Variants in ALK observed in about 807,000 individuals in gnomAD.
The protein encoded by ALK is ALK tyrosine kinase receptor.
A neutral mutation model predicts 163.1 loss-of-function variants in ALK; 74 were observed. The ratio of observed to expected loss-of-function variants is 0.45; its 90% confidence interval spans 0.38 to 0.55. The LOEUF is 0.55. Among genes scored for constraint, ALK ranks in the 20% least tolerant of loss-of-function variants. The pLI is 0.00. For missense variants in ALK, 2,063 were observed against 2,105.3 expected (o/e 0.98, Z 0.39); for synonymous variants, 960 against 843.2 (o/e 1.14, Z -2.40).
At chr2:29,764,473 C>T (rs904050496) in intron 1 of ALK, among the ~76,000 whole-genome samples, 1 of 152,170 alleles carries the variant, frequency 6.6e-6, no homozygotes, top group Non-Finnish European at 1.5e-5. Flanking sequence ...AATAGTTCTT[C>T]AACATTTACC....
chr2:29,794,952 A>G (rs1002503877), intron 1 of ALK, among the ~76,000 whole-genome samples: 1 of 152,206 alleles, frequency 6.6e-6, no homozygotes, highest in East Asian at 1.9e-4. Flanking sequence ...ACAAAACTTC[A>G]ATTTGTGAAA....
At chr2:29,351,516 A>T (rs1432872903) in intron 5 of ALK, among the ~76,000 whole-genome samples, 1 of 152,186 alleles carries the variant, frequency 6.6e-6, no homozygotes, top group Non-Finnish European at 1.5e-5. Context: ...GAACCAGACC[A>T]TGCCCACTCC....
chr2:29,842,703 G>A (rs576583702), intron 1 of ALK, among the ~76,000 whole-genome samples: 1 of 152,312 alleles, frequency 6.6e-6, no homozygotes, highest in South Asian at 2.1e-4. Context: ...GGACTGAGCA[G>A]GCAGGGCTCA....
In ALK at chr2:29,725,877, C is replaced by T. The variant is rs376693062; in HGVS notation, c.668-8180G>A. On this transcript the variant is annotated intron_variant, in intron 1 of 28. Transcript: ENST00000389048. ...TGCCTCCTCTTCAGAACCTGTATCT[C>T]TCAGAATTTGATAGTTCCAGGTCAC... Among the ~76,000 whole-genome samples, 57 of 152,314 alleles carry T rather than the reference C, an allele frequency of 3.7e-4. No homozygotes were observed. In the South Asian group the frequency reaches 7.2e-3, roughly 19 times the overall value.
chr2:29,359,626 G>A (rs1022558834), intron 5 of ALK, among the ~76,000 whole-genome samples: 6 of 152,172 alleles, frequency 3.9e-5, no homozygotes, highest in Admixed American at 2.6e-4. Context: ...AGGTGACTTT[G>A]GGATCAATAG....
chr2:29,257,726 C>T (rs930722131), intron 11 of ALK, among the ~76,000 whole-genome samples: 1 of 152,212 alleles, frequency 6.6e-6, no homozygotes, highest in Non-Finnish European at 1.5e-5. Context: ...ATTTCATCCA[C>T]ATCCACTGAC....
At chr2:29,396,864 A>G (rs1460284080) in intron 4 of ALK, among the ~76,000 whole-genome samples, 1 of 17,254 alleles carries the variant, frequency 5.8e-5, no homozygotes, top group East Asian at 7.1e-4. Context: ...TTTTTTTGCT[A>G]CTTGGCTACT....
Position 29,247,975 on chromosome 2 carries a change from C to T in ALK, c.2204+3130G>A, listed in dbSNP as rs534932602. ...GAAAAAGTCTTTCAGAGAAAGGTTG[C>T]TGACTTCTCAGTCATATTCTGACTT... On this transcript the variant is annotated intron_variant, in intron 12 of 28. Transcript: ENST00000389048. Among the ~76,000 whole-genome samples, 3 of 152,264 alleles carry T rather than the reference C, an allele frequency of 2.0e-5. No individual in the cohort carries two copies. In the South Asian group the frequency reaches 6.2e-4, roughly 32 times the overall value.
chr2:29,483,613 G>T (rs1671716277), intron 4 of ALK, among the ~76,000 whole-genome samples: 1 of 152,156 alleles, frequency 6.6e-6, no homozygotes, highest in African/African-American at 2.4e-5. Context: ...TTAACATACA[G>T]AAATGCATAG....
intron 4 of ALK, among the ~76,000 whole-genome samples, chr2:29,413,903 G>A (rs1024153155): frequency 2.0e-5 from 3 of 152,188 alleles, no homozygotes; most frequent in African/African-American, 7.2e-5. Context: ...GACCTCAGGT[G>A]ACCCACCCAC....
intron 1 of ALK, among the ~76,000 whole-genome samples, chr2:29,810,287 T>C (rs1419350549): frequency 6.6e-6 from 1 of 151,630 alleles, no homozygotes; most frequent in Non-Finnish European, 1.5e-5. Context: ...CCGAGTGTGG[T>C]GGTGGTTGCC....
In ALK at chr2:29,515,566, G is replaced by T. The variant is rs185153521; in HGVS notation, c.1154+16349C>A. Among the ~76,000 whole-genome samples the T allele has an allele frequency of 5.3e-5, 8 of 152,254 alleles. No homozygotes were observed. The East Asian group carries it at 1.4e-3, about 26-fold the overall frequency. ...GGTAAGACCTCACCAAGATGGTAGG[G>T]GTGGGGATAGGGGGAGGCATAATGG... On this transcript the variant is annotated intron_variant, in intron 4 of 28. Coordinates refer to ENST00000389048, the MANE Select transcript of ALK (RefSeq NM_004304.5).
chr2:29,619,620 G>A (rs745773897), intron 3 of ALK, among the ~76,000 whole-genome samples: 4 of 152,150 alleles, frequency 2.6e-5, no homozygotes, highest in Non-Finnish European at 5.9e-5. Flanking sequence ...TGACTTACAC[G>A]GGCTTTGTGG....
rs948174871 is a variant in ALK, at chr2:29,791,323, C to A, written c.668-73626G>T. Among the ~76,000 whole-genome samples, 6 of 152,260 alleles carry A rather than the reference C, an allele frequency of 3.9e-5. No individual in the cohort carries two copies. The South Asian group carries it at 1.0e-3, about 26-fold the overall frequency. ...CCATAAAAAAGGATGAGTTCATGTC[C>A]TTTGCAGGGACATGGATGAAGCTGG... On this transcript the variant is annotated intron_variant, in intron 1 of 28. Coordinates refer to ENST00000389048, the MANE Select transcript of ALK (RefSeq NM_004304.5).
chr2:29,488,815 G>A (rs529770263), intron 4 of ALK, among the ~76,000 whole-genome samples: 8 of 152,068 alleles, frequency 5.3e-5, no homozygotes, highest in African/African-American at 9.7e-5. Context: ...ATCACGGCCC[G>A]GTCTTCCTCC....
chr2:29,564,532 G>A (rs555110185), intron 3 of ALK, among the ~76,000 whole-genome samples: 1 of 151,998 alleles, frequency 6.6e-6, no homozygotes, highest in East Asian at 1.9e-4. Flanking sequence ...ATTTCCTGTC[G>A]CTACTGTTGT....
chr2:29,651,398 T>C (rs1677031289), intron 3 of ALK, among the ~76,000 whole-genome samples: 1 of 152,130 alleles, frequency 6.6e-6, no homozygotes, highest in African/African-American at 2.4e-5. Context: ...TACACCAATC[T>C]CTTGATAGAG....
At chr2:29,637,263 A>C (rs1194609802) in intron 3 of ALK, among the ~76,000 whole-genome samples, 1 of 152,192 alleles carries the variant, frequency 6.6e-6, no homozygotes, top group East Asian at 1.9e-4. Flanking sequence ...AAAAGAAAAA[A>C]ATTATTCATA....
intron 1 of ALK, among the ~76,000 whole-genome samples, chr2:29,742,503 T>A (rs1680089664): frequency 6.6e-6 from 1 of 152,200 alleles, no homozygotes; most frequent in South Asian, 2.1e-4. Flanking sequence ...GCTAGGCCAA[T>A]TGATTGCCAA....
Sources: gnomAD v4.1 joint callset for allele counts (sites outside exome capture counted in the v4.1 genomes callset) on GRCh38, gnomAD v4.1.1 for gene constraint, MANE v1.5 for transcripts, NCBI Gene and HGNC (gene_info 2026-07-23, HGNC 2026-07-21) for gene names.